Variants in ACACA observed in about 807,000 individuals in gnomAD.
ACACA encodes the protein acetyl-CoA carboxylase 1.
In ACACA, 103 loss-of-function variants were observed where a neutral mutation model predicts 296.1. The observed-to-expected ratio is 0.35, with a 90% CI of 0.30 to 0.41. The LOEUF is 0.41. Among genes scored for constraint, ACACA ranks in the 10% least tolerant of loss-of-function variants. The pLI is 1.00. For missense variants in ACACA, 1,554 were observed against 2,989.7 expected, an observed-to-expected ratio of 0.52 and a Z score of 11.20; for synonymous variants, 953 against 1,038.6, an observed-to-expected ratio of 0.92 and a Z score of 1.58.
intron 3 of ACACA, chr17:37,299,243 T>A (rs374567364): frequency 2.5e-6 from 4 of 1,596,310 alleles, no homozygotes; most frequent in Admixed American, 3.3e-5. Context: ...TTTTTAAAGA[T>A]ATATATATTA....
chr17:37,118,256 G>A (rs552446602), intron 50 of ACACA, among the ~76,000 whole-genome samples: 32 of 152,306 alleles, frequency 2.1e-4, no homozygotes, highest in African/African-American at 7.2e-4. Context: ...ACCAAGGGCA[G>A]CAGGGAGAAA....
chr17:37,226,682 C>G (rs1479509469), intron 25 of ACACA, among the ~76,000 whole-genome samples: 1 of 152,080 alleles, frequency 6.6e-6, no homozygotes, highest in East Asian at 1.9e-4. Flanking sequence ...TAATGTATTT[C>G]CTTATAAATC....
intron 16 of ACACA, among the ~76,000 whole-genome samples, chr17:37,250,797 G>A (rs1419988814): frequency 2.0e-5 from 3 of 151,894 alleles, no homozygotes; most frequent in South Asian, 2.1e-4. Context: ...AGGCCAAGGC[G>A]GGTGGATCAC....
At chr17:37,257,892 C>T in intron 13 of ACACA, 26 bp from the exon 14 acceptor site, 2 of 1,611,660 alleles carry the variant, frequency 1.2e-6, no homozygotes, top group African/African-American at 1.3e-5. Flanking sequence ...GAATGAGAGA[C>T]CATATTATGT....
intron 29 of ACACA, among the ~76,000 whole-genome samples, chr17:37,211,889 T>C (rs1555598407): frequency 2.5e-4 from 38 of 152,160 alleles, no homozygotes; most frequent in Non-Finnish European, 5.9e-5. Context: ...TCCTTAAGCC[T>C]CTCACTCAGG....
At chr17:37,316,862 C>T (rs1319568895) in intron 3 of ACACA, among the ~76,000 whole-genome samples, 1 of 151,718 alleles carries the variant, frequency 6.6e-6, no homozygotes, top group Non-Finnish European at 1.5e-5. Context: ...CACCTAAGGT[C>T]CAGAGTTCGA....
At chr17:37,119,046 C>T (rs2074392729) in intron 50 of ACACA, among the ~76,000 whole-genome samples, 1 of 152,070 alleles carries the variant, frequency 6.6e-6, no homozygotes. Context: ...TCAGTGGGCC[C>T]CCCACAAAGA....
At chr17:37,270,055 C>T (rs898801592) in intron 10 of ACACA, among the ~76,000 whole-genome samples, 6 of 152,148 alleles carry the variant, frequency 3.9e-5, no homozygotes, top group Admixed American at 3.3e-4. Flanking sequence ...TGGTCGTCTC[C>T]GCAACCAATG....
Position 37,086,103 on chromosome 17 carries a change from A to C in ACACA, c.*1213T>G, listed in dbSNP as rs2072180184. 3.3e-6 allele frequency: 1 copy of C among 298,614 alleles called. No individual in the cohort carries two copies. 18.5% of individuals were successfully genotyped at this position (298,614 alleles called of 1,614,324 possible). A position where few individuals can be genotyped will look rare whatever the true frequency, so the allele number is the denominator to read the frequency against. On this transcript the variant is annotated 3_prime_UTR_variant, in exon 56 of 56. Transcript: ENST00000616317. ...CAGCAGCACCATGACTGAGTTGTAA[A>C]TAATCTTAAGGTCATGTGGATTCTG...
intron 28 of ACACA, among the ~76,000 whole-genome samples, chr17:37,222,706 C>T (rs2079355487): frequency 6.6e-6 from 1 of 152,176 alleles, no homozygotes; most frequent in South Asian, 2.1e-4. Flanking sequence ...CACTCTACCA[C>T]AGAGTACAAA....
chr17:37,342,643 T>C (rs556151689), intron 1 of ACACA, among the ~76,000 whole-genome samples: 20 of 151,652 alleles, frequency 1.3e-4, no homozygotes, highest in East Asian at 3.9e-4. Context: ...TTACAGCTAA[T>C]GTATTTAAGA....
At chr17:37,160,933 C>T (rs1423277050) in intron 42 of ACACA, among the ~76,000 whole-genome samples, 1 of 151,762 alleles carries the variant, frequency 6.6e-6, no homozygotes. Flanking sequence ...GAGGGGGTAG[C>T]AAAGAAAGAG....
At chr17:37,218,448 T>C (rs2079135860) in intron 29 of ACACA, among the ~76,000 whole-genome samples, 1 of 152,266 alleles carries the variant, frequency 6.6e-6, no homozygotes, top group Admixed American at 6.5e-5. Flanking sequence ...TACTTTTAAA[T>C]GTGGCCAATA....
chr17:37,405,210 C>A (rs1446397663), intron 1 of ACACA, among the ~76,000 whole-genome samples: 1 of 152,172 alleles, frequency 6.6e-6, no homozygotes, highest in Non-Finnish European at 1.5e-5. Flanking sequence ...CTAAGAGAAT[C>A]CCCATATCAC....
intron 45 of ACACA, among the ~76,000 whole-genome samples, chr17:37,135,464 T>C (rs765342646): frequency 2.6e-5 from 4 of 152,108 alleles, no homozygotes; most frequent in African/African-American, 4.8e-5. Flanking sequence ...CACAGCTGGA[T>C]TCAAGACCAT....
chr17:37,213,286 C>CTGAGGT (rs1287406674), intron 29 of ACACA, among the ~76,000 whole-genome samples: 1 of 146,582 alleles, frequency 6.8e-6, no homozygotes, highest in Non-Finnish European at 1.5e-5. Context: ...AGCCAGGAGG[C>CTGAGGT]TGAGGTTGCA....
rs777514862 is a variant in ACACA at position 37,129,428 on chromosome 17, C to T, written c.5881G>A (p.Glu1961Lys). Residue 1961 changes from glutamate (E) to lysine (K), a missense_variant, in exon 47 of 56, where the codon GAG becomes AAG. By Grantham distance (56) the Glu-to-Lys change is moderately conservative. Around this residue, in one of 16 missense-constraint regions of ACACA, gnomAD observed 553 missense variants for 1,043.6 expected, o/e 0.53. Coordinates refer to ENST00000616317, the MANE Select transcript of ACACA (RefSeq NM_198834.3). ...NSKDPIDRII[E>K]FVPTKTPYDP... Reference sequence around the variant, plus strand: ...TATGGGGTCTTTGTGGGAACAAACTCGATGATTCTGTCTATAGGATCCTTT... The same window carrying T: ...TATGGGGTCTTTGTGGGAACAAACTTGATGATTCTGTCTATAGGATCCTTT... 7 of 1,613,926 alleles carry T rather than the reference C, an allele frequency of 4.3e-6. No homozygotes were observed. Among genetic ancestry groups the T allele is most frequent in the Non-Finnish European group, 5.9e-6 (7 of 1,180,004 alleles).
At chr17:37,320,730 T>C (rs1267939520) in intron 3 of ACACA, among the ~76,000 whole-genome samples, 1 of 151,634 alleles carries the variant, frequency 6.6e-6, no homozygotes, top group Non-Finnish European at 1.5e-5. Flanking sequence ...GTGGATCACC[T>C]GAGGTCAGGG....
intron 3 of ACACA, among the ~76,000 whole-genome samples, chr17:37,304,417 A>G (rs2083770532): frequency 6.6e-6 from 1 of 152,116 alleles, no homozygotes; most frequent in African/African-American, 2.4e-5. Context: ...TTGCCTCCCA[A>G]AAGCACTGGG....
Sources: gnomAD v4.1 joint callset for allele counts (sites outside exome capture counted in the v4.1 genomes callset) on GRCh38, gnomAD v4.1.1 for gene constraint, gnomAD v4.1.1 regional missense constraint, MANE v1.5 for transcripts, NCBI Gene and HGNC (gene_info 2026-07-23, HGNC 2026-07-21) for gene names.